Variants in HDAC4 observed in about 807,000 individuals in gnomAD.
HDAC4 encodes the protein histone deacetylase 4, also known as histone deacetylase A.
In HDAC4, 16 loss-of-function variants were observed where a neutral mutation model predicts 135.1. That is an observed-to-expected ratio of 0.12 (90% CI 0.08 to 0.18). The LOEUF is 0.18. HDAC4 is among the 10% of genes least tolerant of loss of function. The pLI is 1.00. For missense variants in HDAC4, 1,143 were observed against 1,511.8 expected, an observed-to-expected ratio of 0.76 and a Z score of 4.05; for synonymous variants, 685 against 653.4, an observed-to-expected ratio of 1.05 and a Z score of -0.74.
intron 22 of HDAC4, among the ~76,000 whole-genome samples, chr2:239,079,837 G>A (rs993068918): frequency 3.7e-5 from 5 of 136,092 alleles, no homozygotes; most frequent in African/African-American, 7.9e-5. Flanking sequence ...CACACACAGC[G>A]ATATACACAC....
chr2:239,281,240 C>G (rs2050718368), intron 2 of HDAC4, among the ~76,000 whole-genome samples: 2 of 145,752 alleles, frequency 1.4e-5, no homozygotes, highest in Non-Finnish European at 3.0e-5. Flanking sequence ...GTACACACCA[C>G]TCTCCACACA....
rs145836881 is a variant in HDAC4, at chr2:239,370,329, T to C, written c.-219-17411A>G. Among the ~76,000 whole-genome samples the C allele has an allele frequency of 3.7e-3, 568 of 152,254 alleles. 3 individuals carry two copies. The highest frequency in any genetic ancestry group is 0.013 in the African/African-American group (552 of 41,548). On this transcript the variant is annotated intron_variant, in intron 1 of 26. Transcript: ENST00000543185. The stretch of plus-strand genomic sequence containing the variant: ...CCTCGATCCCACTGAAAGACATGGC[T>C]CGGGGCTCTCCTGTTAAAGGGTAGA...
chr2:239,060,797 G>A (rs560118601), intron 24 of HDAC4, among the ~76,000 whole-genome samples: 6 of 152,364 alleles, frequency 3.9e-5, no homozygotes, highest in South Asian at 2.1e-4. Context: ...AAGCAAACCC[G>A]GAGCAGCCCG....
intron 19 of HDAC4, among the ~76,000 whole-genome samples, chr2:239,086,553 T>A (rs1295901095): frequency 2.0e-5 from 3 of 151,860 alleles, no homozygotes; most frequent in African/African-American, 7.3e-5. Context: ...GTCTCCTCCC[T>A]GTACGTGAAG....
rs1439951385 is a variant in HDAC4, at chr2:239,262,023, C to A, written c.23-25359G>T. On this transcript the variant is annotated intron_variant, in intron 2 of 26. Coordinates refer to ENST00000543185, the MANE Select transcript of HDAC4 (RefSeq NM_001378414.1). This position sits in a 1 kb window ranked among gnomAD's most constrained non-coding sequence, Gnocchi z 4.1. ...TCCCTGAAGGCCCCAGACACAGAGGCCCTAGGTGGGAATCCAGCAGGGTGG... is the reference window on the plus strand; with the variant it reads ...TCCCTGAAGGCCCCAGACACAGAGGACCTAGGTGGGAATCCAGCAGGGTGG... Among the ~76,000 whole-genome samples the A allele has an allele frequency of 6.6e-6, 1 of 152,170 alleles. No individual in the cohort carries two copies. The highest frequency in any genetic ancestry group is 1.5e-5 in the Non-Finnish European group (1 of 68,012).
intron 7 of HDAC4, among the ~76,000 whole-genome samples, chr2:239,152,460 C>A (rs2042174055): frequency 6.6e-6 from 1 of 152,254 alleles, no homozygotes; most frequent in Non-Finnish European, 1.5e-5. Context: ...GTGAAGACCT[C>A]TGAAGTGGAG....
intron 2 of HDAC4, among the ~76,000 whole-genome samples, chr2:239,347,505 T>G (rs373146429): frequency 2.0e-5 from 3 of 152,326 alleles, no homozygotes; most frequent in Admixed American, 6.5e-5. Flanking sequence ...TTACACACGT[T>G]TCCCACAAAA....
At chr2:239,057,612 T>C (rs2032073116) in intron 24 of HDAC4, among the ~76,000 whole-genome samples, 1 of 152,196 alleles carries the variant, frequency 6.6e-6, no homozygotes, top group African/African-American at 2.4e-5. Context: ...CTTAAGCCAA[T>C]CAATGTGTCA....
chr2:239,096,966 C>A (rs529618329), intron 16 of HDAC4, among the ~76,000 whole-genome samples: 60 of 152,286 alleles, frequency 3.9e-4, no homozygotes, highest in African/African-American at 1.4e-3. Context: ...AGGCAGGGGG[C>A]AGCAGCTGCA....
intron 2 of HDAC4, among the ~76,000 whole-genome samples, chr2:239,346,890 C>A (rs1692733445): frequency 6.6e-6 from 1 of 150,526 alleles, no homozygotes; most frequent in South Asian, 2.1e-4. Context: ...CTAACACACA[C>A]ACCCTGTCTC....
chr2:239,242,065 A>C (rs2153191975), intron 2 of HDAC4, among the ~76,000 whole-genome samples: 1 of 149,982 alleles, frequency 6.7e-6, no homozygotes, highest in South Asian at 2.1e-4. Context: ...GAAAAGAGAA[A>C]AAGAAAGAAA....
chr2:239,353,906 A>G (rs920955538), intron 1 of HDAC4, among the ~76,000 whole-genome samples: 1 of 152,218 alleles, frequency 6.6e-6, no homozygotes, highest in Admixed American at 6.5e-5. Context: ...TAATCACAGA[A>G]TTTAATTCTA....
rs890723435 is a variant in HDAC4, at chr2:239,297,996, C to T, written c.22+54682G>A. ...TGCCTCTGTCCCTACATGGCCACCA[C>T]TACTGATGCTGAGATGAGAAGACAC... is the stretch of plus-strand genomic sequence containing the variant. On this transcript the variant is annotated intron_variant, in intron 2 of 26. Transcript: ENST00000543185. Among the ~76,000 whole-genome samples the T allele has an allele frequency of 3.9e-5, 6 of 152,072 alleles. No homozygotes were observed. The East Asian group carries it at 5.8e-4, about 15-fold the overall frequency.
At chr2:239,197,847 T>TTGTGTGTGTGTGTGTGTG (rs368801140) in intron 3 of HDAC4, among the ~76,000 whole-genome samples, 1,786 of 140,160 alleles carry the variant, frequency 0.013, 29 homozygotes, top group South Asian at 0.014. Flanking sequence ...CACTAAAAGT[T>TTGTGTGTGTGTGTGTGTG]TGTGTGTGTG....
chr2:239,237,501 T>A (rs1464827207), intron 2 of HDAC4, among the ~76,000 whole-genome samples: 1 of 151,722 alleles, frequency 6.6e-6, no homozygotes, highest in Admixed American at 6.6e-5. Context: ...AGCACCAGTT[T>A]CGCAGGGCAG....
intron 2 of HDAC4, among the ~76,000 whole-genome samples, chr2:239,344,293 A>G (rs1692482888): frequency 6.6e-6 from 1 of 152,210 alleles, no homozygotes; most frequent in African/African-American, 2.4e-5. Flanking sequence ...CCGGGAGTTC[A>G]TTCTTAAATT....
chr2:239,179,497 G>A (rs554679269), intron 4 of HDAC4, among the ~76,000 whole-genome samples: 2 of 152,274 alleles, frequency 1.3e-5, no homozygotes, highest in South Asian at 2.1e-4. Context: ...AGAATCTAAC[G>A]CCTGATGATC....
chr2:239,128,127 C>A (rs553292615), intron 11 of HDAC4, among the ~76,000 whole-genome samples: 2 of 152,170 alleles, frequency 1.3e-5, no homozygotes, highest in African/African-American at 4.8e-5. Context: ...CACAACTTTC[C>A]GGAAAGACAT....
chr2:239,108,920 G>A (rs3791410), intron 14 of HDAC4, among the ~76,000 whole-genome samples: 19,554 of 152,278 alleles, frequency 0.13, 1,492 homozygotes, highest in East Asian at 0.29. Context: ...CGGCAGCCTG[G>A]GGCTCTGCAG....
Sources: gnomAD v4.1 joint callset for allele counts (sites outside exome capture counted in the v4.1 genomes callset) on GRCh38, gnomAD v4.1.1 for gene constraint, Gnocchi (gnomAD v3.1) non-coding constraint, MANE v1.5 for transcripts, NCBI Gene and HGNC (gene_info 2026-07-23, HGNC 2026-07-21) for gene names.